GFI1B: variants seen among roughly 807,000 people sequenced by gnomAD.
GFI1B encodes the protein zinc finger protein Gfi-1b.
Under a neutral mutation model 35.3 loss-of-function variants are expected in GFI1B, and 20 were observed. The observed-to-expected ratio is 0.57, with a 90% CI of 0.40 to 0.82. The LOEUF (loss-of-function observed/expected upper bound fraction) is 0.82, where lower values mean the gene tolerates loss of function less well. Ranked by LOEUF, GFI1B falls within the 40% of genes least tolerant of loss-of-function variation. The pLI is 0.00. For missense variants in GFI1B, 430 were observed against 446.3 expected, an observed-to-expected ratio of 0.96 and a Z score of 0.33; for synonymous variants, 178 against 177.6, an observed-to-expected ratio of 1.00 and a Z score of -0.02.
At chr9:132,977,580 C>G (rs1231209887), upstream of GFI1B, among the ~76,000 whole-genome samples, 1 of 152,214 alleles carries the variant, frequency 6.6e-6, no homozygotes, top group Non-Finnish European at 1.5e-5. Context: ...AGCAGCCTAA[C>G]AGTGCTCTGT....
chr9:132,948,403 T>C (rs1408578763), intron 1 of GFI1B, among the ~76,000 whole-genome samples: 2 of 152,190 alleles, frequency 1.3e-5, no homozygotes, highest in East Asian at 3.8e-4. Flanking sequence ...GCCTTCCAAG[T>C]TCCATGAAGC....
intron 1 of GFI1B, among the ~76,000 whole-genome samples, chr9:132,963,486 A>AATTATT (rs199870679): frequency 6.6e-6 from 1 of 151,638 alleles, no homozygotes; most frequent in Non-Finnish European, 1.5e-5. Flanking sequence ...GTCTCAAAAA[A>AATTATT]ATTATTATTA....
In GFI1B at chr9:132,949,306, T is replaced by C. The variant is rs62578216; in HGVS notation, c.-701+3637T>C. 5.9e-4 allele frequency among the ~76,000 whole-genome samples: 50 copies of C among 84,418 alleles called. 1 individual carries two copies. The highest frequency in any genetic ancestry group is 1.4e-3 in the African/African-American group (28 of 20,032). The allele number at this position is 84,418 out of a possible 152,430, so 55.4% of individuals were successfully genotyped here. On this transcript the variant is annotated intron_variant, in intron 1 of 10. Transcript: ENST00000339463. ...ACACACACACACACACACACACACATCAAGCCAAACCCACAGATACACACA... is the reference window on the plus strand; with the variant it reads ...ACACACACACACACACACACACACACCAAGCCAAACCCACAGATACACACA...
rs768451177 is a variant in GFI1B at position 132,989,859 on chromosome 9, C to T, written c.766C>T (p.Arg256Cys). Reference protein sequence around the residue: ...RPYPCQFCGKRFHQKSDMKKH... With the variant: ...RPYPCQFCGKCFHQKSDMKKH... ...CTACCCCTGCCAGTTCTGCGGCAAG[C>T]GTTTCCACCAGAAGTCCGACATGAA... Residue 256 changes from arginine to cysteine, a missense_variant, in exon 6 of 7, where the codon CGT (arginine) becomes TGT (cysteine). By Grantham distance (180) the Arg-to-Cys change is radical (BLOSUM62 -3). Coordinates refer to ENST00000372122, the MANE Select transcript of GFI1B (RefSeq NM_001377304.1). The surrounding 1 kb of genome is among the most constrained non-coding windows in gnomAD (Gnocchi z 6.2). 8.7e-6 allele frequency: 14 copies of T among 1,614,106 alleles called. No homozygotes were observed. The highest frequency in any genetic ancestry group is 4.5e-5 in the East Asian group (2 of 44,906).
chr9:132,963,764 A>G (rs1231147531), intron 1 of GFI1B: 2 of 152,162 alleles, frequency 1.3e-5, no homozygotes, highest in African/African-American at 2.4e-5. Context: ...TTTGTCTAGC[A>G]GGCTTTCTGG....
chr9:132,953,321 T>G (rs1383900379), intron 1 of GFI1B: 1 of 152,264 alleles, frequency 6.6e-6, no homozygotes, highest in Non-Finnish European at 1.5e-5. Context: ...ATTCAGTGGC[T>G]ACTATACCAT....
chr9:132,988,283 G>T lies in GFI1B; in HGVS notation c.325G>T (p.Asp109Tyr), dbSNP rs1481562524. Residue 109 changes from aspartate to tyrosine, a missense_variant, in exon 4 of 7, where the codon GAC (aspartate) becomes TAC (tyrosine). By Grantham distance (160) the Asp-to-Tyr change is radical (BLOSUM62 -3). Coordinates refer to ENST00000372122, the MANE Select transcript of GFI1B (RefSeq NM_001377304.1). ...PPFYKPSFSW[D>Y]TLATTYGHSY... is the part of the protein sequence containing the mutation. The stretch of plus-strand genomic sequence containing the variant: ...ATTCTACAAGCCTAGCTTCTCCTGG[G>T]ACACCTTGGCCACAACCTATGGCCA... 6.2e-7 allele frequency: 1 copy of T among 1,614,128 alleles called. No individual in the cohort carries two copies. Among genetic ancestry groups the T allele is most frequent in the Admixed American group, 1.7e-5 (1 of 60,026 alleles).
At chr9:132,975,738 TTAAA>T (rs1317734624), upstream of GFI1B, among the ~76,000 whole-genome samples, 3 of 152,166 alleles carry the variant, frequency 2.0e-5, no homozygotes, top group Non-Finnish European at 2.9e-5. Context: ...ATGGTAACTG[TTAAA>T]TGAATGAATA....
upstream of GFI1B, among the ~76,000 whole-genome samples, chr9:132,977,959 C>G (rs963609745): frequency 2.0e-5 from 3 of 152,182 alleles, no homozygotes; most frequent in Non-Finnish European, 4.4e-5. Context: ...AAGGTCATAT[C>G]TGGGGGAAAT....
At chr9:132,958,991 G>GGCTC (rs774817382) in intron 1 of GFI1B, among the ~76,000 whole-genome samples, 3 of 152,148 alleles carry the variant, frequency 2.0e-5, no homozygotes, top group Non-Finnish European at 4.4e-5. Flanking sequence ...TTGGGATCCT[G>GGCTC]GCTCTGCAAA....
rs1241199002 is a variant in GFI1B at position 132,968,831 on chromosome 9, C to G, written c.-700-3894C>G. On this transcript the variant is annotated intron_variant, in intron 1 of 10. Coordinates refer to the GFI1B transcript ENST00000339463. ...TACACAGAACATACAATTTATTATC[C>G]TAATTATTTTTAAGCGTATAGTTCA... Among the ~76,000 whole-genome samples the G allele has an allele frequency of 8.5e-5, 13 of 152,174 alleles. No homozygotes were observed. In the East Asian group the frequency reaches 2.5e-3, roughly 29 times the overall value.
At position 132,988,303 on chromosome 9, in the gene GFI1B, T is replaced by C. The variant is rs757336836; in HGVS notation, c.345T>C (p.Tyr115=). 6.2e-7 allele frequency: 1 copy of C among 1,614,174 alleles called. No individual in the cohort carries two copies. The highest frequency in any genetic ancestry group is 1.1e-5 in the South Asian group (1 of 91,084). The change falls in exon 4 of 7, where the codon TAT becomes TAC. Residue 115 remains tyrosine, a synonymous_variant. Coordinates refer to ENST00000372122, the MANE Select transcript of GFI1B (RefSeq NM_001377304.1). ...CCTGGGACACCTTGGCCACAACCTA[T>C]GGCCACAGCTACCGGCAGGCCCCCT... ...SFSWDTLATT[Y]GHSYRQAPST... is the part of the protein sequence containing the mutation.
In GFI1B at chr9:132,957,831, A is replaced by G. The variant is rs974636188; in HGVS notation, c.-701+12162A>G. Among the ~76,000 whole-genome samples, 3 of 152,222 alleles carry G rather than the reference A, an allele frequency of 2.0e-5. No homozygotes were observed. In the East Asian group the frequency reaches 5.8e-4, roughly 29 times the overall value. ...GCAACTAGCATGGCTGTAACCAAGC[A>G]TGCTGGGGAAAGAGAGGCAAGAAAT... On this transcript the variant is annotated intron_variant, in intron 1 of 10. Coordinates refer to the GFI1B transcript ENST00000339463.
intron 1 of GFI1B, chr9:132,945,807 A>AT (rs1412473949): frequency 6.5e-6 from 1 of 153,398 alleles, no homozygotes; most frequent in East Asian, 2.0e-4. Context: ...AGAGAAGGCC[A>AT]TTCCAGGCAG....
intron 1 of GFI1B, among the ~76,000 whole-genome samples, chr9:132,981,480 A>G (rs1167489602): frequency 6.6e-6 from 1 of 152,126 alleles, no homozygotes; most frequent in African/African-American, 2.4e-5. Flanking sequence ...TCTACAAAAA[A>G]TACAAAAATT....
intron 1 of GFI1B, among the ~76,000 whole-genome samples, chr9:132,949,968 C>G (rs1343411462): frequency 1.3e-5 from 2 of 152,042 alleles, no homozygotes. Flanking sequence ...AAAGATTAGC[C>G]AGACACAGTG....
rs1176884531 is a variant in GFI1B, at chr9:132,989,652, C to T, written c.649-90C>T. 2.8e-6 allele frequency: 3 copies of T among 1,068,544 alleles called. No homozygotes were observed. The highest frequency in any genetic ancestry group is 1.3e-5 in the South Asian group (1 of 75,972). 66.2% of individuals were successfully genotyped at this position (1,068,544 alleles called of 1,614,324 possible). A position where few individuals can be genotyped will look rare whatever the true frequency, so the allele number is the denominator to read the frequency against. On this transcript the variant is annotated intron_variant, in intron 5 of 6. Transcript: ENST00000372122. This position sits in a 1 kb window ranked among gnomAD's most constrained non-coding sequence, Gnocchi z 6.2. ...CCCGGTCCTGCTCCTCCAGGCCGCC[C>T]CAATGGAGTGTCCTGTTCCGCAGGG...
At chr9:132,950,095 G>A (rs1186248150) in intron 1 of GFI1B, among the ~76,000 whole-genome samples, 1 of 152,156 alleles carries the variant, frequency 6.6e-6, no homozygotes, top group African/African-American at 2.4e-5. Flanking sequence ...CTGAGTGACA[G>A]AGTAAGACCC....
At chr9:132,977,014 A>G (rs1004404475), upstream of GFI1B, among the ~76,000 whole-genome samples, 6 of 152,188 alleles carry the variant, frequency 3.9e-5, no homozygotes, top group Non-Finnish European at 7.3e-5. Context: ...CTGAAGTGCA[A>G]TGGTGCGATC....
Sources: gnomAD v4.1 joint callset for allele counts (sites outside exome capture counted in the v4.1 genomes callset) on GRCh38, gnomAD v4.1.1 for gene constraint, Gnocchi (gnomAD v3.1) non-coding constraint, MANE v1.5 for transcripts, NCBI Gene and HGNC (gene_info 2026-07-23, HGNC 2026-07-21) for gene names.